LRRTM4: variants seen among roughly 807,000 people sequenced by gnomAD.
The protein encoded by LRRTM4 is leucine-rich repeat transmembrane neuronal protein 4.
Under a neutral mutation model 47.6 loss-of-function variants are expected in LRRTM4, and 25 were observed. The observed-to-expected ratio is 0.53, with a 90% CI of 0.38 to 0.73. The LOEUF (loss-of-function observed/expected upper bound fraction) is 0.73. Ranked by LOEUF, LRRTM4 falls within the 30% of genes least tolerant of loss-of-function variation. The probability of loss-of-function intolerance (pLI) is 0.00; values close to 1 mark genes in which losing one functional copy is unlikely to be tolerated. For missense variants in LRRTM4, 638 were observed against 713.4 expected (o/e 0.89, Z 1.20); for synonymous variants, 311 against 269.5 (o/e 1.15, Z -1.51).
chr2:77,505,972 C>T (rs1019633588), intron 3 of LRRTM4, among the ~76,000 whole-genome samples: 70 of 151,660 alleles, frequency 4.6e-4, no homozygotes, highest in African/African-American at 1.6e-3. Context: ...ATACAAAAAT[C>T]TCATTTCAAA....
At chr2:76,932,535 T>G (rs547121168) in intron 3 of LRRTM4, among the ~76,000 whole-genome samples, 38 of 152,198 alleles carry the variant, frequency 2.5e-4, no homozygotes, top group African/African-American at 9.1e-4. Flanking sequence ...GGTACGCCCT[T>G]AGTCTGTATC....
At chr2:77,450,911 C>T (rs1229922415) in intron 3 of LRRTM4, among the ~76,000 whole-genome samples, 1 of 152,158 alleles carries the variant, frequency 6.6e-6, no homozygotes, top group Non-Finnish European at 1.5e-5. Context: ...TGAATCTTCA[C>T]TGCCTATGTT....
intron 3 of LRRTM4, among the ~76,000 whole-genome samples, chr2:77,305,371 A>G (rs1473437778): frequency 1.3e-5 from 2 of 152,204 alleles, no homozygotes; most frequent in East Asian, 3.9e-4. Flanking sequence ...CTTGAATTTA[A>G]TTTAAATTCT....
intron 3 of LRRTM4, among the ~76,000 whole-genome samples, chr2:76,943,545 T>C (rs566093594): frequency 2.2e-4 from 33 of 152,220 alleles, no homozygotes; most frequent in Non-Finnish European, 3.7e-4. Flanking sequence ...CCATAAAGAG[T>C]TGTCTACATT....
At chr2:76,844,494 T>A (rs1671781737) in intron 3 of LRRTM4, among the ~76,000 whole-genome samples, 1 of 152,190 alleles carries the variant, frequency 6.6e-6, no homozygotes, top group South Asian at 2.1e-4. Flanking sequence ...CTTAAGAGAC[T>A]GAGTCATCTT....
chr2:77,152,328 T>C lies in LRRTM4; in HGVS notation c.1551+365990A>G, dbSNP rs115573066. ...GGGAGTTTGAACACATATCTTCACTTTTTTGTATCTTTTTTTTTCAGATGG... is the reference window on the plus strand; with the variant it reads ...GGGAGTTTGAACACATATCTTCACTCTTTTGTATCTTTTTTTTTCAGATGG... On this transcript the variant is annotated intron_variant, in intron 3 of 3. Coordinates refer to ENST00000409884, the MANE Select transcript of LRRTM4 (RefSeq NM_001134745.3). 5.9e-3 allele frequency among the ~76,000 whole-genome samples: 898 copies of C among 152,144 alleles called. 10 individuals carry two copies. The highest frequency in any genetic ancestry group is 0.021 in the African/African-American group (868 of 41,506).
In LRRTM4 at chr2:77,519,848, C is replaced by A; in HGVS notation, c.21G>T (p.Thr7=). 6.3e-7 allele frequency: 1 copy of A among 1,598,564 alleles called. No individual in the cohort carries two copies. The highest frequency in any genetic ancestry group is 8.5e-7 in the Non-Finnish European group (1 of 1,171,876). Residue 7 remains threonine (T), a synonymous_variant, in exon 3 of 4, where the codon ACG becomes ACT. Transcript: ENST00000409884. The surrounding 1 kb of genome is among the most constrained non-coding windows in gnomAD (Gnocchi z 4.6). The stretch of plus-strand genomic sequence containing the variant: ...GCACCACACTCATGCCTTTCAGCTG[C>A]GTAATTAAATGGAAACCTACGATAT... MGFHLI[T]QLKGMSVVLV...
intron 3 of LRRTM4, among the ~76,000 whole-genome samples, chr2:77,216,335 G>A (rs1674438744): frequency 6.6e-6 from 1 of 152,178 alleles, no homozygotes; most frequent in African/African-American, 2.4e-5. Context: ...GTCTAATAAA[G>A]TATTTTAGAA....
intron 3 of LRRTM4, among the ~76,000 whole-genome samples, chr2:77,346,138 A>G (rs1037702172): frequency 4.6e-5 from 7 of 152,078 alleles, no homozygotes; most frequent in African/African-American, 1.7e-4. Context: ...ATTCCGTTAT[A>G]TGGCATTCTG....
intron 3 of LRRTM4, among the ~76,000 whole-genome samples, chr2:77,193,030 G>A (rs894780297): frequency 6.6e-6 from 1 of 152,146 alleles, no homozygotes; most frequent in Non-Finnish European, 1.5e-5. Context: ...GGTCCCGTAA[G>A]ATTATAATAG....
chr2:77,407,774 T>G (rs554834882), intron 3 of LRRTM4, among the ~76,000 whole-genome samples: 10 of 146,628 alleles, frequency 6.8e-5, no homozygotes, highest in Non-Finnish European at 1.0e-4. Flanking sequence ...ATATATGCAT[T>G]TGAAAGACTT....
At chr2:77,302,847 A>G (rs1192963691) in intron 3 of LRRTM4, among the ~76,000 whole-genome samples, 1 of 152,304 alleles carries the variant, frequency 6.6e-6, no homozygotes, top group East Asian at 1.9e-4. Flanking sequence ...ACTTTGTGTG[A>G]AGACAATGTC....
intron 3 of LRRTM4, among the ~76,000 whole-genome samples, chr2:77,383,417 A>G (rs1376545175): frequency 1.3e-5 from 2 of 151,858 alleles, no homozygotes; most frequent in Non-Finnish European, 2.9e-5. Flanking sequence ...CCTTTCTCAT[A>G]CCTTTCTTAT....
rs546809242 is a variant in LRRTM4 at position 77,147,134 on chromosome 2, C to T, written c.1551+371184G>A. ...CTTGTATATTTCTTTTCCACTAAAT[C>T]TCTAAGCATACAAAGCTTAAAAGAA... On this transcript the variant is annotated intron_variant, in intron 3 of 3. Coordinates refer to ENST00000409884, the MANE Select transcript of LRRTM4 (RefSeq NM_001134745.3). 8.5e-5 allele frequency among the ~76,000 whole-genome samples: 13 copies of T among 152,244 alleles called. 2 individuals carry two copies. The highest frequency in any genetic ancestry group is 2.4e-4 in the African/African-American group (10 of 41,556).
At chr2:76,927,257 G>A (rs1429519122) in intron 3 of LRRTM4, among the ~76,000 whole-genome samples, 1 of 152,036 alleles carries the variant, frequency 6.6e-6, no homozygotes, top group African/African-American at 2.4e-5. Flanking sequence ...ATTACCATAT[G>A]TATCCACATT....
At chr2:77,006,936 A>G (rs1437154594) in intron 3 of LRRTM4, among the ~76,000 whole-genome samples, 1 of 152,170 alleles carries the variant, frequency 6.6e-6, no homozygotes, top group Non-Finnish European at 1.5e-5. Flanking sequence ...ACATTGACAC[A>G]AACATCCTTT....
At chr2:77,330,267 C>G (rs1367756828) in intron 3 of LRRTM4, among the ~76,000 whole-genome samples, 1 of 152,040 alleles carries the variant, frequency 6.6e-6, no homozygotes, top group Admixed American at 6.6e-5. Flanking sequence ...TGTTTTTTTA[C>G]TCTTAATTGT....
intron 3 of LRRTM4, among the ~76,000 whole-genome samples, chr2:77,296,671 C>A (rs962221807): frequency 3.9e-5 from 6 of 152,142 alleles, no homozygotes; most frequent in African/African-American, 1.4e-4. Flanking sequence ...ACAACATCAT[C>A]ATTTTTAAAT....
intron 3 of LRRTM4, among the ~76,000 whole-genome samples, chr2:77,123,240 A>AGAGAGAGAGAGAGAGAGAGG (rs1671566157): frequency 2.0e-5 from 3 of 151,664 alleles, no homozygotes; most frequent in African/African-American, 7.3e-5. Context: ...AGAGAGAGAG[A>AGAGAGAGAGAGAGAGAGAGG]GAGAAATTTA....
Sources: gnomAD v4.1 joint callset for allele counts (sites outside exome capture counted in the v4.1 genomes callset) on GRCh38, gnomAD v4.1.1 for gene constraint, Gnocchi (gnomAD v3.1) non-coding constraint, MANE v1.5 for transcripts, NCBI Gene and HGNC (gene_info 2026-07-23, HGNC 2026-07-21) for gene names.